Variants in PDE3B observed in about 807,000 individuals in gnomAD.
PDE3B encodes cGMP-inhibited 3',5'-cyclic phosphodiesterase 3B.
Under a neutral mutation model 116.8 loss-of-function variants are expected in PDE3B, and 66 were observed. The ratio of observed to expected loss-of-function variants is 0.56; its 90% CI spans 0.46 to 0.69. The LOEUF (loss-of-function observed/expected upper bound fraction) is 0.69, where lower values mean the gene tolerates loss of function less well. PDE3B is among the 30% of genes least tolerant of loss of function. The pLI is 0.00. For missense variants in PDE3B, 1,384 were observed against 1,368.1 expected (o/e 1.01, Z -0.18); for synonymous variants, 595 against 533.6 (o/e 1.12, Z -1.59).
At chr11:14,653,562 C>T (rs1030551664) in intron 1 of PDE3B, among the ~76,000 whole-genome samples, 3 of 151,382 alleles carry the variant, frequency 2.0e-5, no homozygotes, top group Non-Finnish European at 2.9e-5. Flanking sequence ...AAGACTCCGT[C>T]TCAAAAAAAA....
intron 1 of PDE3B, among the ~76,000 whole-genome samples, chr11:14,749,947 T>TGCATTTA (rs1330768983): frequency 2.1e-5 from 3 of 145,110 alleles, no homozygotes; most frequent in Non-Finnish European, 4.5e-5. Flanking sequence ...TCCCAAGATC[T>TGCATTTA]GCATTTAGCA....
At chr11:14,869,348 ACT>A (rs1449005744) in intron 15 of PDE3B, 111 bp from the exon 16 acceptor site, 25 of 638,372 alleles carry the variant, frequency 3.9e-5, no homozygotes, top group African/African-American at 3.7e-4. Context: ...ATTTTATAGT[ACT>A]GTTTACTTTT....
chr11:14,777,778 A>G (rs1260463003), intron 2 of PDE3B, among the ~76,000 whole-genome samples: 1 of 152,130 alleles, frequency 6.6e-6, no homozygotes, highest in Non-Finnish European at 1.5e-5. Flanking sequence ...TACTGGGTTC[A>G]TCTCTCTGGG....
intron 1 of PDE3B, among the ~76,000 whole-genome samples, chr11:14,724,858 CATTT>C (rs1297934845): frequency 6.6e-6 from 1 of 152,160 alleles, no homozygotes. Flanking sequence ...TTCTTTCACT[CATTT>C]ATTTATTTAT....
intron 1 of PDE3B, among the ~76,000 whole-genome samples, chr11:14,672,287 G>A (rs1022160222): frequency 6.6e-6 from 1 of 151,512 alleles, no homozygotes; most frequent in South Asian, 2.1e-4. Context: ...CTGAACACAG[G>A]GCTTTTTATA....
rs539357521 is a variant in PDE3B at position 14,644,723 on chromosome 11, C to G, written c.648C>G (p.Leu216=). Residue 216 remains leucine, a synonymous_variant, in exon 1 of 16, where the codon CTC becomes CTG. Coordinates refer to ENST00000282096, the MANE Select transcript of PDE3B (RefSeq NM_000922.4). ...TGACGCTCGCGCACCCGCTGCGGCTCCGGCACTGCGTTCTGGTGCTGCTCC... is the reference window on the plus strand; with the variant it reads ...TGACGCTCGCGCACCCGCTGCGGCTGCGGCACTGCGTTCTGGTGCTGCTCC... ...LLLTLAHPLR[L]RHCVLVLLLA... 142 of 1,553,400 alleles carry G rather than the reference C, an allele frequency of 9.1e-5. 1 individual carries two copies. In the African/African-American group the frequency reaches 1.6e-3, roughly 18 times the overall value.
At chr11:14,674,856 T>G (rs1854484312) in intron 1 of PDE3B, among the ~76,000 whole-genome samples, 2 of 152,178 alleles carry the variant, frequency 1.3e-5, no homozygotes, top group Admixed American at 1.3e-4. Flanking sequence ...TGAAGTTATG[T>G]TCAAATGAAA....
chr11:14,879,476 A>G, the PDE3B span: 5 of 1,520,590 alleles, frequency 3.3e-6, no homozygotes, highest in Admixed American at 8.7e-5. Context: ...GTTATTATGC[A>G]GTTCTTAGAA....
intron 5 of PDE3B, among the ~76,000 whole-genome samples, chr11:14,811,115 G>A (rs1490548456): frequency 6.6e-6 from 1 of 151,998 alleles, no homozygotes; most frequent in Non-Finnish European, 1.5e-5. Flanking sequence ...CCATTTTGTA[G>A]GTTGCCTGTT....
At chr11:14,776,819 A>G (rs1857801701) in intron 2 of PDE3B, among the ~76,000 whole-genome samples, 1 of 152,080 alleles carries the variant, frequency 6.6e-6, no homozygotes, top group Non-Finnish European at 1.5e-5. Flanking sequence ...TGTAGGACCC[A>G]GAGTCTTGTA....
chr11:14,760,486 G>A (rs1857329441), intron 1 of PDE3B, among the ~76,000 whole-genome samples: 1 of 152,156 alleles, frequency 6.6e-6, no homozygotes, highest in African/African-American at 2.4e-5. Flanking sequence ...TGATGAATTA[G>A]TAAACAGTTC....
chr11:14,788,138 T>G (rs561364407), intron 3 of PDE3B, among the ~76,000 whole-genome samples: 14 of 152,064 alleles, frequency 9.2e-5, no homozygotes, highest in African/African-American at 2.6e-4. Flanking sequence ...TTTCTTTGTG[T>G]TCTTTAAACT....
intron 1 of PDE3B, among the ~76,000 whole-genome samples, chr11:14,647,894 C>A (rs987089761): frequency 6.8e-6 from 1 of 147,596 alleles, no homozygotes; most frequent in Non-Finnish European, 1.5e-5. Flanking sequence ...GATTTAAATG[C>A]TATATATGTA....
At chr11:14,685,926 C>T (rs983857108) in intron 1 of PDE3B, among the ~76,000 whole-genome samples, 2 of 152,110 alleles carry the variant, frequency 1.3e-5, no homozygotes, top group East Asian at 3.9e-4. Flanking sequence ...TGCCTCTAGC[C>T]AGAGTGATTC....
chr11:14,885,323 C>G, the PDE3B span, among the ~76,000 whole-genome samples: 2 of 152,102 alleles, frequency 1.3e-5, no homozygotes, highest in African/African-American at 2.4e-5. Context: ...GAATGCTAGT[C>G]CTTTACACAA....
chr11:14,837,364 C>T (rs575552921), intron 11 of PDE3B, among the ~76,000 whole-genome samples: 5 of 152,066 alleles, frequency 3.3e-5, no homozygotes, highest in Admixed American at 2.6e-4. Flanking sequence ...TTTCTTTTTC[C>T]TCTCATATTT....
the PDE3B span, chr11:14,879,500 T>C: frequency 3.7e-6 from 5 of 1,344,270 alleles, no homozygotes; most frequent in Non-Finnish European, 5.2e-6. Context: ...TACCTAAAGT[T>C]ATTTCCCTCT....
chr11:14,738,371 G>C (rs546402903), intron 1 of PDE3B, among the ~76,000 whole-genome samples: 1 of 152,346 alleles, frequency 6.6e-6, no homozygotes, highest in African/African-American at 2.4e-5. Context: ...AATGACCAGT[G>C]ATGATGAGCT....
chr11:14,747,171 A>C (rs1856931518), intron 1 of PDE3B, among the ~76,000 whole-genome samples: 1 of 152,204 alleles, frequency 6.6e-6, no homozygotes, highest in Non-Finnish European at 1.5e-5. Flanking sequence ...GTCATCACCA[A>C]GGGGATGATG....
Sources: gnomAD v4.1 joint callset for allele counts (sites outside exome capture counted in the v4.1 genomes callset) on GRCh38, gnomAD v4.1.1 for gene constraint, MANE v1.5 for transcripts, NCBI Gene and HGNC (gene_info 2026-07-23, HGNC 2026-07-21) for gene names.